The following PLA2G5 variants were observed in gnomAD, a reference collection of about 807,000 sequenced individuals.
PLA2G5 encodes the protein Ca2+-dependent phospholipase A2.
PLA2G5 carries 12 observed loss-of-function variants against 15.9 expected under a neutral mutation model. The ratio of observed to expected loss-of-function variants is 0.76; its 90% CI spans 0.48 to 1.23. The LOEUF is 1.23. PLA2G5 is among the 50% of genes most tolerant of loss of function. The pLI is 0.00. For synonymous variants in PLA2G5, 71 were observed against 71.4 expected, an observed-to-expected ratio of 0.99 and a Z score of 0.03; for missense variants, 169 against 177.1, an observed-to-expected ratio of 0.95 and a Z score of 0.26.
chr1:20,059,432 A>G (rs559901944), intron 1 of PLA2G5, among the ~76,000 whole-genome samples: 1 of 151,110 alleles, frequency 6.6e-6, no homozygotes, highest in Admixed American at 6.6e-5. Context: ...AAAAAAAAAA[A>G]GAGAGAGAGA....
In PLA2G5 at chr1:20,075,047, C is replaced by T. The variant is rs530200532; in HGVS notation, c.-11+4582C>T. On this transcript the variant is annotated intron_variant, in intron 1 of 4. Transcript: ENST00000375108. Reference sequence around the variant, plus strand: ...CTGGGCACCACAGTCCTGCCACCACCGCCAAAGATGACCACTGCCTCTGTG... The same window carrying T: ...CTGGGCACCACAGTCCTGCCACCACTGCCAAAGATGACCACTGCCTCTGTG... Among the ~76,000 whole-genome samples the T allele has an allele frequency of 3.5e-4, 53 of 152,334 alleles. 1 individual carries two copies. The South Asian group carries it at 0.011, about 30-fold the overall frequency.
At chr1:20,089,760 C>T (rs1373535886) in intron 3 of PLA2G5, 29 bp from the exon 4 acceptor site, 1 of 1,591,478 alleles carries the variant, frequency 6.3e-7, no homozygotes, top group Admixed American at 1.7e-5. Context: ...ACCCCTCCCA[C>T]TCGGGATCTA....
chr1:20,036,597 G>GT (rs1371822166), intron 1 of PLA2G5, among the ~76,000 whole-genome samples: 4 of 152,088 alleles, frequency 2.6e-5, no homozygotes, highest in East Asian at 3.9e-4. Context: ...AGTTGCAATT[G>GT]TTTTTTTATT....
intron 1 of PLA2G5, among the ~76,000 whole-genome samples, chr1:20,037,106 C>CT (rs1202342199): frequency 6.6e-6 from 1 of 152,128 alleles, no homozygotes; most frequent in Admixed American, 6.6e-5. Flanking sequence ...CTAGTGTGAT[C>CT]TTATGGGGGT....
chr1:20,054,127 T>TA (rs1433671284), intron 1 of PLA2G5, among the ~76,000 whole-genome samples: 1 of 152,184 alleles, frequency 6.6e-6, no homozygotes, highest in East Asian at 1.9e-4. Context: ...GTCCTCTCCA[T>TA]AGGCAGTTAC....
intron 2 of PLA2G5, among the ~76,000 whole-genome samples, chr1:20,064,216 T>TA (rs1450495848): frequency 3.3e-5 from 5 of 152,124 alleles, no homozygotes; most frequent in Admixed American, 6.5e-5. Context: ...CAAGATTTTT[T>TA]AAAAAAATAT....
intron 1 of PLA2G5, among the ~76,000 whole-genome samples, chr1:20,059,449 C>T (rs962798199): frequency 1.3e-5 from 2 of 151,854 alleles, no homozygotes; most frequent in African/African-American, 2.4e-5. Flanking sequence ...GAGAGAAAGA[C>T]CATATGGCCA....
At chr1:20,047,854 T>G (rs2013992610) in intron 1 of PLA2G5, among the ~76,000 whole-genome samples, 1 of 152,118 alleles carries the variant, frequency 6.6e-6, no homozygotes, top group Admixed American at 6.6e-5. Flanking sequence ...GCTAGACTTT[T>G]TCTCTCTGTA....
intron 2 of PLA2G5, among the ~76,000 whole-genome samples, chr1:20,061,539 T>C (rs940410930): frequency 6.7e-6 from 1 of 149,458 alleles, no homozygotes; most frequent in Non-Finnish European, 1.5e-5. Flanking sequence ...TGAGCCGTGA[T>C]TGCACCACTG....
At chr1:20,062,671 G>T (rs997739340) in intron 2 of PLA2G5, among the ~76,000 whole-genome samples, 1 of 152,136 alleles carries the variant, frequency 6.6e-6, no homozygotes, top group African/African-American at 2.4e-5. Context: ...ATTCAGAGGG[G>T]ACAGGGGAGG....
chr1:20,070,092 A>C (rs1383679092), upstream of PLA2G5: 1 of 574,478 alleles, frequency 1.7e-6, no homozygotes, highest in African/African-American at 2.0e-5. Flanking sequence ...TCAGGACTCA[A>C]ATCCACCCGC....
intron 1 of PLA2G5, among the ~76,000 whole-genome samples, chr1:20,055,842 G>A (rs1335174711): frequency 6.6e-6 from 1 of 152,162 alleles, no homozygotes; most frequent in African/African-American, 2.4e-5. Context: ...ACCTATACGT[G>A]TAGTAAGTGC....
intron 1 of PLA2G5, among the ~76,000 whole-genome samples, chr1:20,031,408 A>G (rs1015781152): frequency 6.6e-6 from 1 of 152,150 alleles, no homozygotes. Flanking sequence ...AAGAAGACAA[A>G]AGGAGATTTG....
At chr1:20,072,632 G>A (rs2015439939) in intron 1 of PLA2G5, among the ~76,000 whole-genome samples, 1 of 152,190 alleles carries the variant, frequency 6.6e-6, no homozygotes, top group South Asian at 2.1e-4. Context: ...AGCTGTGCGA[G>A]GCCATGTCCT....
At chr1:20,029,368 T>C (rs1285008175) in intron 1 of PLA2G5, among the ~76,000 whole-genome samples, 1 of 152,080 alleles carries the variant, frequency 6.6e-6, no homozygotes, top group East Asian at 1.9e-4. Context: ...CGCTGACATG[T>C]TCCTCCGCTG....
chr1:20,086,770 C>G (rs941801232), intron 3 of PLA2G5, among the ~76,000 whole-genome samples: 1 of 152,180 alleles, frequency 6.6e-6, no homozygotes, highest in Admixed American at 6.5e-5. Context: ...CATTGTGTCA[C>G]TTACACTGTA....
intron 3 of PLA2G5, among the ~76,000 whole-genome samples, chr1:20,088,504 T>C (rs899313486): frequency 6.6e-6 from 1 of 151,894 alleles, no homozygotes; most frequent in Non-Finnish European, 1.5e-5. Context: ...GATAATGATG[T>C]ATTATTTAGT....
intron 3 of PLA2G5, among the ~76,000 whole-genome samples, chr1:20,087,872 C>T (rs1373585988): frequency 6.6e-6 from 1 of 152,156 alleles, no homozygotes; most frequent in Non-Finnish European, 1.5e-5. Flanking sequence ...GAAAGAGCCC[C>T]CAGTGGCCAA....
chr1:20,078,066 G>C (rs11573229), intron 1 of PLA2G5, among the ~76,000 whole-genome samples: 2,024 of 152,252 alleles, frequency 0.013, 41 homozygotes, highest in African/African-American at 0.046. Context: ...ATGGGATGGG[G>C]GGATTAGCCA....
Sources: allele counts gnomAD v4.1 joint callset (sites outside exome capture counted in the v4.1 genomes callset), GRCh38; gene constraint gnomAD v4.1.1; transcripts MANE v1.5; gene names NCBI Gene and HGNC (gene_info 2026-07-23, HGNC 2026-07-21).